The following NCAPH variants were observed in gnomAD, a reference collection of about 807,000 sequenced individuals.
NCAPH encodes the protein non-SMC condensin I complex subunit H.
A neutral mutation model predicts 85.5 loss-of-function variants in NCAPH; 38 were observed. The observed-to-expected ratio is 0.44, with a 90% confidence interval of 0.34 to 0.58. The LOEUF is 0.58. Ranked by LOEUF, NCAPH falls within the 20% of genes least tolerant of loss-of-function variation. The pLI is 0.01. For missense variants in NCAPH, 789 were observed against 916.6 expected (o/e 0.86, Z 1.80); for synonymous variants, 301 against 335.1 (o/e 0.90, Z 1.11).
chr2:96,372,786 T>C (rs1192687212), intron 17 of NCAPH, among the ~76,000 whole-genome samples: 2 of 152,212 alleles, frequency 1.3e-5, no homozygotes, highest in Admixed American at 6.5e-5. Flanking sequence ...TGTGCCTAAT[T>C]TGTAAATTAA....
At chr2:96,341,374 A>G (rs2064291932) in intron 1 of NCAPH, 1 of 421,730 alleles carries the variant, frequency 2.4e-6, no homozygotes, top group Middle Eastern at 6.6e-4. Flanking sequence ...TATATCATCC[A>G]TTTTTATATC....
chr2:96,366,262 A>G (rs1183953839), intron 14 of NCAPH, among the ~76,000 whole-genome samples: 1 of 152,208 alleles, frequency 6.6e-6, no homozygotes, highest in Non-Finnish European at 1.5e-5. Context: ...GACCTTGATA[A>G]GACATGTAAC....
chr2:96,369,198 A>G (rs756658929), intron 16 of NCAPH, 135 bp downstream of exon 16: 85 of 974,978 alleles, frequency 8.7e-5, no homozygotes, highest in Non-Finnish European at 1.1e-4. Context: ...GTTGACAGAT[A>G]ATACAGACCA....
At chr2:96,371,891 C>T (rs2064779024) in intron 17 of NCAPH, among the ~76,000 whole-genome samples, 1 of 152,206 alleles carries the variant, frequency 6.6e-6, no homozygotes, top group Admixed American at 6.5e-5. Context: ...TCCTCCACCA[C>T]TGTGATAACA....
chr2:96,371,660 T>C (rs1009532431), intron 17 of NCAPH, among the ~76,000 whole-genome samples: 1 of 152,312 alleles, frequency 6.6e-6, no homozygotes, highest in African/African-American at 2.4e-5. Flanking sequence ...CCATGACTTG[T>C]TGGGCTGAGC....
At position 96,351,965 on chromosome 2, in the gene NCAPH, G is replaced by A. The variant is rs748781460; in HGVS notation, c.855G>A (p.Thr285=). 1.6e-5 allele frequency: 26 copies of A among 1,613,984 alleles called. No individual in the cohort carries two copies. The highest frequency in any genetic ancestry group is 1.6e-4 in the Middle Eastern group (1 of 6,082). ...CCTCTGATGTCCAGACTCTCTCCAC[G>A]GGAGAACCTCTCGAGTTGCCAGAGT... The part of the protein sequence containing the change: ...LFPSDVQTLS[T]GEPLELPELG... The change falls in exon 7 of 18, where the codon ACG becomes ACA. Residue 285 remains threonine, a synonymous_variant. Transcript: ENST00000240423.
intron 5 of NCAPH, 69 bp downstream of exon 5, chr2:96,343,373 T>C (rs1282066560): frequency 4.0e-6 from 6 of 1,493,934 alleles, no homozygotes; most frequent in African/African-American, 1.4e-5. Context: ...TTGAGTAATA[T>C]ACTAGAAGAA....
intron 12 of NCAPH, 29 bp from the exon 13 acceptor site, chr2:96,364,452 T>C (rs964164382): frequency 1.4e-6 from 2 of 1,453,320 alleles, no homozygotes; most frequent in African/African-American, 2.8e-5. Flanking sequence ...TTTAACAAAA[T>C]AGCTTTCTGC....
chr2:96,344,209 G>C lies in NCAPH; in HGVS notation c.700G>C (p.Glu234Gln), dbSNP rs140868942. Residue 234 changes from glutamate to glutamine, a missense_variant, in exon 6 of 18, where the codon GAA becomes CAA. Glu to Gln is a conservative substitution (Grantham distance 29). Coordinates refer to ENST00000240423, the MANE Select transcript of NCAPH (RefSeq NM_015341.5). ...GAACATAAACAACCTCAATGTCTCCGAAGCAGATCGGAAGTGTGAGGTGAG... is the reference window on the plus strand; with the variant it reads ...GAACATAAACAACCTCAATGTCTCCCAAGCAGATCGGAAGTGTGAGGTGAG... Reference protein sequence around the residue: ...EQNINNLNVSEADRKCEIDPM... With the variant: ...EQNINNLNVSQADRKCEIDPM... The C allele has an allele frequency of 3.1e-6, 5 of 1,611,392 alleles. No homozygotes were observed. Among genetic ancestry groups the C allele is most frequent in the Non-Finnish European group, 4.2e-6 (5 of 1,179,200 alleles).
chr2:96,347,931 G>C (rs975107846), intron 6 of NCAPH, among the ~76,000 whole-genome samples: 1 of 151,682 alleles, frequency 6.6e-6, no homozygotes, highest in Non-Finnish European at 1.5e-5. Flanking sequence ...AAGAGGGAGG[G>C]GAGAGGCGAG....
At chr2:96,337,120 C>T (rs188712950) in intron 1 of NCAPH, among the ~76,000 whole-genome samples, 3 of 152,302 alleles carry the variant, frequency 2.0e-5, no homozygotes, top group Non-Finnish European at 4.4e-5. Flanking sequence ...TGTCTTTGAG[C>T]TCAGTAACCA....
chr2:96,362,399 G>C (rs1573090623), intron 12 of NCAPH, among the ~76,000 whole-genome samples: 1 of 152,266 alleles, frequency 6.6e-6, no homozygotes, highest in East Asian at 1.9e-4. Flanking sequence ...GGAGGCCGAG[G>C]TGGGTGGATC....
At position 96,374,324 on chromosome 2, in the gene NCAPH, G is replaced by C. The variant is rs948317048; in HGVS notation, c.*973G>C. On this transcript the variant is annotated 3_prime_UTR_variant, in exon 18 of 18. Transcript: ENST00000240423. ...AGCAGTGGGTGGAGAGCAGTGCTCAGATTTGTCCATCTCCACAGAATGCAG... is the reference window on the plus strand; with the variant it reads ...AGCAGTGGGTGGAGAGCAGTGCTCACATTTGTCCATCTCCACAGAATGCAG... Among the ~76,000 whole-genome samples the C allele has an allele frequency of 6.6e-6, 1 of 152,206 alleles. No individual in the cohort carries two copies. Among genetic ancestry groups the C allele is most frequent in the African/African-American group, 2.4e-5 (1 of 41,438 alleles).
chr2:96,366,131 G>T (rs1019889205), intron 14 of NCAPH, 73 bp downstream of exon 14: 4 of 1,476,210 alleles, frequency 2.7e-6, no homozygotes, highest in Non-Finnish European at 3.7e-6. Context: ...TGAGAGTCAC[G>T]CAATCTGAGC....
At chr2:96,356,345 A>G (rs1043856795) in intron 9 of NCAPH, among the ~76,000 whole-genome samples, 28 of 152,168 alleles carry the variant, frequency 1.8e-4, no homozygotes, top group African/African-American at 6.5e-4. Context: ...ATGTGGGGCA[A>G]TGTTATCACC....
chr2:96,339,546 C>G (rs2064262899), intron 1 of NCAPH, among the ~76,000 whole-genome samples: 1 of 151,044 alleles, frequency 6.6e-6, no homozygotes, highest in African/African-American at 2.4e-5. Flanking sequence ...AGCTGAGATC[C>G]CGTCACTGCA....
At position 96,343,252 on chromosome 2, in the gene NCAPH, G is replaced by C; in HGVS notation, c.543G>C (p.Gly181=). 6.2e-7 allele frequency: 1 copy of C among 1,613,864 alleles called. No homozygotes were observed. Among genetic ancestry groups the C allele is most frequent in the Non-Finnish European group, 8.5e-7 (1 of 1,179,834 alleles). Residue 181 remains glycine (G), a synonymous_variant, in exon 5 of 18, where the codon GGG becomes GGC. Transcript: ENST00000240423. ...ATGCCGATGTATACAGAGTCCTTGG[G>C]GGGCTGGGCAAAGATGCACCGTCTT... The part of the protein sequence containing the change: ...AVHADVYRVL[G]GLGKDAPSLE...
intron 6 of NCAPH, among the ~76,000 whole-genome samples, chr2:96,345,057 C>T (rs959275464): frequency 3.3e-5 from 5 of 152,176 alleles, no homozygotes; most frequent in African/African-American, 1.2e-4. Context: ...TAGAATTGGT[C>T]ACCAAGGAAA....
In NCAPH at chr2:96,373,702, C is replaced by G. The variant is rs765868009; in HGVS notation, c.*351C>G. 1.2e-5 allele frequency: 2 copies of G among 173,672 alleles called. No individual in the cohort carries two copies. The highest frequency in any genetic ancestry group is 4.7e-5 in the African/African-American group (2 of 42,330). 10.8% of individuals were successfully genotyped at this position (173,672 alleles called of 1,614,324 possible). The stretch of plus-strand genomic sequence containing the variant: ...GATCTGTTATTTTCCAAACTATTCT[C>G]TTGTAGAAAATTTTCCAGTGGGCAC... On this transcript the variant is annotated 3_prime_UTR_variant, in exon 18 of 18. Coordinates refer to ENST00000240423, the MANE Select transcript of NCAPH (RefSeq NM_015341.5).
Sources: gnomAD v4.1 joint callset for allele counts (sites outside exome capture counted in the v4.1 genomes callset) on GRCh38, gnomAD v4.1.1 for gene constraint, MANE v1.5 for transcripts, NCBI Gene and HGNC (gene_info 2026-07-23, HGNC 2026-07-21) for gene names.